PDE7B: variants seen among roughly 807,000 people sequenced by gnomAD.
PDE7B encodes phosphodiesterase 7B.
PDE7B carries 29 observed loss-of-function variants against 56.2 expected under a neutral mutation model. The observed-to-expected ratio is 0.52, with a 90% CI of 0.38 to 0.70. The LOEUF is 0.70. Ranked by LOEUF, PDE7B falls within the 30% of genes least tolerant of loss-of-function variation. The probability of loss-of-function intolerance (pLI) is 0.00; values close to 1 mark genes in which losing one functional copy is unlikely to be tolerated. For missense variants in PDE7B, 490 were observed against 565.0 expected (o/e 0.87, Z 1.35); for synonymous variants, 197 against 196.9 (o/e 1.00, Z 0.00).
intron 11 of PDE7B, among the ~76,000 whole-genome samples, chr6:136,185,294 A>C (rs562849315): frequency 6.6e-6 from 1 of 152,308 alleles, no homozygotes; most frequent in South Asian, 2.1e-4. Context: ...TCAATGGTTA[A>C]GTGCAGACAC....
At chr6:135,887,738 A>C (rs1775734979) in intron 1 of PDE7B, among the ~76,000 whole-genome samples, 1 of 152,168 alleles carries the variant, frequency 6.6e-6, no homozygotes, top group Non-Finnish European at 1.5e-5. Context: ...ATTTGGAGCA[A>C]GTTTACTTAG....
chr6:136,081,978 T>C (rs1448129522), intron 2 of PDE7B, among the ~76,000 whole-genome samples: 1 of 152,240 alleles, frequency 6.6e-6, no homozygotes, highest in Non-Finnish European at 1.5e-5. Flanking sequence ...CCAAAGTTCA[T>C]GACTCACTGA....
intron 3 of PDE7B, among the ~76,000 whole-genome samples, chr6:136,145,263 T>C (rs559019883): frequency 2.6e-5 from 4 of 152,280 alleles, no homozygotes; most frequent in South Asian, 4.1e-4. Flanking sequence ...CAATCCATTC[T>C]TTCGTTATTC....
intron 2 of PDE7B, among the ~76,000 whole-genome samples, chr6:135,994,695 C>T (rs1775533649): frequency 6.6e-6 from 1 of 152,136 alleles, no homozygotes; most frequent in African/African-American, 2.4e-5. Context: ...ATTCAACAAG[C>T]ACTTATTGAG....
At chr6:135,930,492 G>T in intron 1 of PDE7B, among the ~76,000 whole-genome samples, 1 of 152,162 alleles carries the variant, frequency 6.6e-6, no homozygotes, top group East Asian at 1.9e-4. Context: ...GGAAAAGAGG[G>T]TCCCTGGGGC....
intron 1 of PDE7B, among the ~76,000 whole-genome samples, chr6:135,887,534 CAA>C (rs1378867642): frequency 6.6e-6 from 1 of 152,054 alleles, no homozygotes; most frequent in African/African-American, 2.4e-5. Flanking sequence ...CCAATATTGA[CAA>C]AGATACTAAA....
chr6:136,037,426 G>A (rs538129998), intron 2 of PDE7B: 52 of 985,282 alleles, frequency 5.3e-5, no homozygotes, highest in African/African-American at 7.0e-5. Flanking sequence ...TAGGTTTGCC[G>A]AGAACCAAAT....
At chr6:135,924,615 CTCTTTTT>C (rs1401545432) in intron 1 of PDE7B, among the ~76,000 whole-genome samples, 27 of 73,970 alleles carry the variant, frequency 3.7e-4, no homozygotes, top group Non-Finnish European at 5.4e-4. Context: ...CTCTCTCTCT[CTCTTTTT>C]TTTTTTTTTT....
At chr6:136,132,303 G>T (rs1292152333) in intron 3 of PDE7B, among the ~76,000 whole-genome samples, 1 of 151,766 alleles carries the variant, frequency 6.6e-6, no homozygotes, top group Non-Finnish European at 1.5e-5. Flanking sequence ...AAATCCTTTG[G>T]GTGCTGATAC....
intron 2 of PDE7B, chr6:136,034,226 T>C (rs989830075): frequency 1.3e-5 from 2 of 152,220 alleles, no homozygotes; most frequent in South Asian, 4.1e-4. Flanking sequence ...GTATAATAAA[T>C]GCTTATCTGC....
At chr6:135,958,998 G>A (rs1333331701) in intron 2 of PDE7B, among the ~76,000 whole-genome samples, 1 of 152,120 alleles carries the variant, frequency 6.6e-6, no homozygotes, top group Non-Finnish European at 1.5e-5. Context: ...CAACCACATA[G>A]GAGCCTAATT....
chr6:135,855,431 T>A (rs1775007927), intron 1 of PDE7B, among the ~76,000 whole-genome samples: 1 of 152,234 alleles, frequency 6.6e-6, no homozygotes, highest in Middle Eastern at 3.4e-3. Context: ...GAGGCAGTGA[T>A]GGAAAACTGC....
chr6:135,952,675 C>T (rs978434477), intron 2 of PDE7B, among the ~76,000 whole-genome samples: 6 of 152,076 alleles, frequency 3.9e-5, no homozygotes, highest in African/African-American at 1.4e-4. Context: ...AAGTTGAGAA[C>T]GTGGCAGCAC....
intron 1 of PDE7B, among the ~76,000 whole-genome samples, chr6:135,890,275 A>G (rs1026823036): frequency 3.3e-5 from 5 of 152,232 alleles, no homozygotes; most frequent in Admixed American, 2.6e-4. Flanking sequence ...ATTTCCTTAC[A>G]AAATTATTCT....
intron 3 of PDE7B, among the ~76,000 whole-genome samples, chr6:136,132,858 GCTT>G (rs371895917): frequency 2.3e-4 from 35 of 152,124 alleles, no homozygotes; most frequent in African/African-American, 7.2e-4. Flanking sequence ...AATGAAACCT[GCTT>G]CCTTAAGAGT....
At chr6:135,973,562 A>G (rs914801032) in intron 2 of PDE7B, among the ~76,000 whole-genome samples, 10 of 152,170 alleles carry the variant, frequency 6.6e-5, no homozygotes, top group African/African-American at 2.4e-4. Context: ...TGTTTTCCAT[A>G]GCACCTCACC....
chr6:135,934,376 A>C lies in PDE7B; in HGVS notation c.22-13088A>C, dbSNP rs114528574. ...ACCAAGGAGATTTAAAACAAATTTT[A>C]TTTATTTATTTAATTTTGGTAATAT... is the stretch of plus-strand genomic sequence containing the variant. On this transcript the variant is annotated intron_variant, in intron 1 of 12. Coordinates refer to ENST00000308191, the MANE Select transcript of PDE7B (RefSeq NM_018945.4). Among the ~76,000 whole-genome samples, 1,085 of 152,152 alleles carry C rather than the reference A, an allele frequency of 7.1e-3. 13 individuals carry two copies. Among genetic ancestry groups the C allele is most frequent in the African/African-American group, 0.025 (1,027 of 41,524 alleles).
Position 136,140,538 on chromosome 6 carries a change from T to A in PDE7B, c.167-6813T>A, listed in dbSNP as rs145452206. Reference sequence around the variant, plus strand: ...CATTGGTAGCTTGATGGCAATGGCATTGAATCTATAAATTACCTTGGCAGT... The same window carrying A: ...CATTGGTAGCTTGATGGCAATGGCAATGAATCTATAAATTACCTTGGCAGT... On this transcript the variant is annotated intron_variant, in intron 3 of 12. Coordinates refer to ENST00000308191, the MANE Select transcript of PDE7B (RefSeq NM_018945.4). 3.3e-3 allele frequency among the ~76,000 whole-genome samples: 499 copies of A among 152,344 alleles called. 3 individuals are homozygous for A. Among genetic ancestry groups the A allele is most frequent in the African/African-American group, 0.011 (473 of 41,572 alleles).
At chr6:136,080,281 C>T (rs1201608988) in intron 2 of PDE7B, among the ~76,000 whole-genome samples, 1 of 152,200 alleles carries the variant, frequency 6.6e-6, no homozygotes, top group Non-Finnish European at 1.5e-5. Flanking sequence ...ACAGGCTCTC[C>T]AAACTCACAC....
Sources: allele counts gnomAD v4.1 joint callset (sites outside exome capture counted in the v4.1 genomes callset), GRCh38; gene constraint gnomAD v4.1.1; transcripts MANE v1.5; gene names NCBI Gene and HGNC (gene_info 2026-07-23, HGNC 2026-07-21).